The following GPM6A variants were observed in gnomAD, a reference collection of about 807,000 sequenced individuals.
GPM6A encodes glycoprotein M6A.
Under a neutral mutation model 32.1 loss-of-function variants are expected in GPM6A, and 7 were observed. The observed-to-expected ratio is 0.22, with a 90% CI of 0.12 to 0.41. The LOEUF (loss-of-function observed/expected upper bound fraction) is 0.41. GPM6A is among the 10% of genes least tolerant of loss of function. GPM6A has a pLI of 1.00. For missense variants in GPM6A, 235 were observed against 347.2 expected (o/e 0.68, Z 2.57); for synonymous variants, 130 against 123.4 (o/e 1.05, Z -0.35).
At chr4:175,735,065 T>C (rs532281076) in intron 1 of GPM6A, among the ~76,000 whole-genome samples, 1 of 152,356 alleles carries the variant, frequency 6.6e-6, no homozygotes, top group East Asian at 1.9e-4. Context: ...GTATATTTTA[T>C]ATGTGGCATT....
At chr4:175,897,106 C>T (rs1022043503) in intron 1 of GPM6A, among the ~76,000 whole-genome samples, 18 of 151,958 alleles carry the variant, frequency 1.2e-4, no homozygotes, top group Non-Finnish European at 5.9e-5. Context: ...ACAGAAGAGC[C>T]AAGAAGCCAC....
At chr4:175,989,712 T>C (rs1419289687) in intron 1 of GPM6A, among the ~76,000 whole-genome samples, 1 of 152,180 alleles carries the variant, frequency 6.6e-6, no homozygotes, top group Non-Finnish European at 1.5e-5. Flanking sequence ...TATGTTAAAT[T>C]ATTTCCTTTA....
At chr4:175,926,150 C>A (rs1254785108) in intron 1 of GPM6A, among the ~76,000 whole-genome samples, 1 of 152,112 alleles carries the variant, frequency 6.6e-6, no homozygotes, top group Non-Finnish European at 1.5e-5. Flanking sequence ...CCGTGCCTGG[C>A]CACAAATTCT....
intron 1 of GPM6A, among the ~76,000 whole-genome samples, chr4:175,992,064 A>ACACACG (rs1741166358): frequency 4.3e-5 from 2 of 46,158 alleles, no homozygotes; most frequent in African/African-American, 1.5e-4. Flanking sequence ...ACACATGCAC[A>ACACACG]CACACACACA....
chr4:175,832,663 G>A (rs1442921154), intron 1 of GPM6A, among the ~76,000 whole-genome samples: 1 of 152,150 alleles, frequency 6.6e-6, no homozygotes, highest in Non-Finnish European at 1.5e-5. Context: ...ACAAATAGTA[G>A]AATGTTTTAT....
At chr4:175,743,754 T>G (rs1731982765) in intron 1 of GPM6A, among the ~76,000 whole-genome samples, 1 of 151,824 alleles carries the variant, frequency 6.6e-6, no homozygotes, top group African/African-American at 2.4e-5. Flanking sequence ...AAAGTAAACA[T>G]TAAGACAAAA....
At chr4:175,660,145 A>G (rs749903985) in intron 3 of GPM6A, among the ~76,000 whole-genome samples, 27 of 152,230 alleles carry the variant, frequency 1.8e-4, no homozygotes, top group Non-Finnish European at 2.8e-4. Flanking sequence ...CACACCTGTA[A>G]TCCCAGCAAT....
rs1414228230 is a variant in GPM6A at position 175,947,178 on chromosome 4, C to A, written c.-23+55131G>T. ...GTTATATAATTTTAAAATCTAACTACAGAGTCTTTAAAAAAAAAAAAACAC... is the reference window on the plus strand; with the variant it reads ...GTTATATAATTTTAAAATCTAACTAAAGAGTCTTTAAAAAAAAAAAAACAC... On this transcript the variant is annotated intron_variant, in intron 1 of 7. Transcript: ENST00000280187. Among the ~76,000 whole-genome samples, 16 of 108,776 alleles carry A rather than the reference C, an allele frequency of 1.5e-4. No individual in the cohort carries two copies. The Admixed American group carries it at 1.8e-3, about 12-fold the overall frequency. The allele number at this position is 108,776 out of a possible 152,430, so 71.4% of individuals were successfully genotyped here.
chr4:175,884,164 C>CTTTTGT (rs1363040910), intron 1 of GPM6A, among the ~76,000 whole-genome samples: 2 of 152,132 alleles, frequency 1.3e-5, no homozygotes, highest in African/African-American at 2.4e-5. Context: ...TCAAGCATTA[C>CTTTTGT]TTTTGTTTTA....
chr4:175,988,829 G>A (rs906106754), intron 1 of GPM6A, among the ~76,000 whole-genome samples: 5 of 152,296 alleles, frequency 3.3e-5, no homozygotes, highest in East Asian at 1.9e-4. Flanking sequence ...CCAATGTAGC[G>A]TGAGGGGCAG....
At chr4:175,873,319 G>T (rs1736971729) in intron 1 of GPM6A, among the ~76,000 whole-genome samples, 1 of 151,048 alleles carries the variant, frequency 6.6e-6, no homozygotes. Context: ...CAAGTGCCTT[G>T]TGAAAAAAAA....
chr4:175,672,263 G>C (rs955970161), intron 3 of GPM6A, among the ~76,000 whole-genome samples: 1 of 151,976 alleles, frequency 6.6e-6, no homozygotes, highest in South Asian at 2.1e-4. Flanking sequence ...TTATTTTTTC[G>C]TTAGGGTTTT....
intron 2 of GPM6A, among the ~76,000 whole-genome samples, chr4:175,679,453 C>T (rs1398398300): frequency 6.6e-6 from 1 of 152,112 alleles, no homozygotes; most frequent in Non-Finnish European, 1.5e-5. Flanking sequence ...CTGTGTACTA[C>T]TTCTCTTCCA....
intron 1 of GPM6A, chr4:175,962,505 T>G: frequency 1.8e-6 from 1 of 547,540 alleles, no homozygotes; most frequent in Non-Finnish European, 3.5e-6. Context: ...TGCCTATCAC[T>G]TCCCAGCAGT....
At chr4:175,755,661 G>T (rs190299163) in intron 1 of GPM6A, among the ~76,000 whole-genome samples, 1 of 152,038 alleles carries the variant, frequency 6.6e-6, no homozygotes, top group Non-Finnish European at 1.5e-5. Context: ...CTCCAATTAC[G>T]TTGGTAGTAC....
intron 1 of GPM6A, among the ~76,000 whole-genome samples, chr4:175,720,790 T>C (rs895029200): frequency 2.6e-5 from 4 of 152,038 alleles, no homozygotes; most frequent in African/African-American, 9.7e-5. Flanking sequence ...TGGAAAAATA[T>C]ATACTGAATT....
chr4:175,908,092 C>T (rs576276283), intron 1 of GPM6A, among the ~76,000 whole-genome samples: 7 of 152,200 alleles, frequency 4.6e-5, no homozygotes, highest in African/African-American at 7.2e-5. Context: ...AATATATTAA[C>T]GAATAACTAT....
intron 2 of GPM6A, among the ~76,000 whole-genome samples, chr4:175,680,939 C>T (rs767383889): frequency 6.6e-6 from 1 of 152,066 alleles, no homozygotes; most frequent in Non-Finnish European, 1.5e-5. Context: ...AGAGATTGTT[C>T]TCATTCTTTT....
chr4:175,795,636 C>T (rs1734190466), intron 1 of GPM6A, among the ~76,000 whole-genome samples: 1 of 151,946 alleles, frequency 6.6e-6, no homozygotes, highest in South Asian at 2.1e-4. Context: ...CCTGTGGTCC[C>T]AGCTGGGAGG....
Sources: gnomAD v4.1 joint callset for allele counts (sites outside exome capture counted in the v4.1 genomes callset) on GRCh38, gnomAD v4.1.1 for gene constraint, MANE v1.5 for transcripts, NCBI Gene and HGNC (gene_info 2026-07-23, HGNC 2026-07-21) for gene names.